Variants in ELAVL4 observed in about 807,000 individuals in gnomAD.
ELAVL4 encodes the protein ELAV like RNA binding protein 4.
In ELAVL4, 1 loss-of-function variant was observed where a neutral mutation model predicts 35.6. The ratio of observed to expected loss-of-function variants is 0.03; its 90% CI spans 0.01 to 0.13. The LOEUF is 0.13. Among genes scored for constraint, ELAVL4 ranks in the 10% least tolerant of loss-of-function variants. The probability of loss-of-function intolerance (pLI) is 1.00; values close to 1 mark genes in which losing one functional copy is unlikely to be tolerated. For missense variants in ELAVL4, 267 were observed against 464.9 expected (o/e 0.57, Z 3.91); for synonymous variants, 156 against 171.0 (o/e 0.91, Z 0.69).
chr1:50,057,323 T>C (rs1384618444), intron 1 of ELAVL4, among the ~76,000 whole-genome samples: 5 of 152,210 alleles, frequency 3.3e-5, no homozygotes, highest in African/African-American at 1.2e-4. Flanking sequence ...TTTAAAAATT[T>C]ATAAAGTAAA....
In ELAVL4 at chr1:50,109,867, A is replaced by C. The variant is rs556021038; in HGVS notation, c.9+669A>C. 6 of 1,594,084 alleles carry C rather than the reference A, an allele frequency of 3.8e-6. No homozygotes were observed. In the East Asian group the frequency reaches 1.3e-4, roughly 36 times the overall value. On this transcript the variant is annotated intron_variant, in intron 1 of 6. Transcript: ENST00000371824. ...TCTGGGCAGCAGCTCTGTAAGAAGG[A>C]ATGTCAGCTTTTACATAACGTTCCT... is the stretch of plus-strand genomic sequence containing the variant.
rs962410621 is a variant in ELAVL4, at chr1:50,048,112, G to A, written c.-53G>A. On this transcript the variant is annotated 5_prime_UTR_variant, in exon 1 of 7. Transcript: ENST00000448907. The stretch of plus-strand genomic sequence containing the variant: ...CTGCGGACGTCTTCCCGCCCGCCGC[G>A]CTCCGCCCCACCCAGCCTCCGCAGC... 1.2e-5 allele frequency: 17 copies of A among 1,470,670 alleles called. No homozygotes were observed. The Admixed American group carries it at 3.1e-4, about 27-fold the overall frequency. The allele number at this position is 1,470,670 out of a possible 1,614,324, so 91.1% of individuals were successfully genotyped here. A position where few individuals can be genotyped will look rare whatever the true frequency, so the allele number is the denominator to read the frequency against.
chr1:50,125,788 C>T (rs1467116489), intron 1 of ELAVL4, among the ~76,000 whole-genome samples: 1 of 152,030 alleles, frequency 6.6e-6, no homozygotes, highest in Admixed American at 6.6e-5. Context: ...GTGAGTTAGC[C>T]TTGGCATTAT....
rs1681757075 is a variant in ELAVL4 at position 50,185,949 on chromosome 1, CAGA to C, written c.355-7815_355-7813del. ...GAATCTGGGGCCCTGAGCCCAAGAC[CAGA>C]TATTCCACTAACCAGGCCATGAGAC... On this transcript the variant is annotated intron_variant, in intron 3 of 6. Transcript: ENST00000371824. Among the ~76,000 whole-genome samples, 4 of 152,182 alleles carry C rather than the reference CAGA, an allele frequency of 2.6e-5. No homozygotes were observed. In the East Asian group the frequency reaches 5.8e-4, roughly 22 times the overall value.
At chr1:50,080,441 C>T (rs1259522806) in intron 1 of ELAVL4, among the ~76,000 whole-genome samples, 1 of 152,106 alleles carries the variant, frequency 6.6e-6, no homozygotes, top group African/African-American at 2.4e-5. Flanking sequence ...CACACACACT[C>T]ACACACATAC....
intron 1 of ELAVL4, among the ~76,000 whole-genome samples, chr1:50,127,375 G>A (rs1044153714): frequency 7.9e-5 from 12 of 152,148 alleles, no homozygotes; most frequent in African/African-American, 2.9e-4. Flanking sequence ...AGAGGAGAGA[G>A]AGGAGTTGTC....
chr1:50,148,876 T>C (rs1194297374), intron 2 of ELAVL4, among the ~76,000 whole-genome samples: 2 of 152,204 alleles, frequency 1.3e-5, no homozygotes, highest in East Asian at 3.8e-4. Flanking sequence ...GGTTTTGTTT[T>C]GTAAACATTG....
intron 1 of ELAVL4, among the ~76,000 whole-genome samples, chr1:50,059,891 C>T (rs188507689): frequency 1.3e-5 from 2 of 152,164 alleles, no homozygotes; most frequent in African/African-American, 4.8e-5. Context: ...ATGAGATATC[C>T]AGAATAGATA....
chr1:50,097,700 A>G (rs1415592544), intron 1 of ELAVL4, among the ~76,000 whole-genome samples: 1 of 152,156 alleles, frequency 6.6e-6, no homozygotes, highest in African/African-American at 2.4e-5. Flanking sequence ...GTTCTCTTAC[A>G]CATGCAAATG....
At chr1:50,162,969 A>G (rs936360193) in intron 2 of ELAVL4, among the ~76,000 whole-genome samples, 8 of 152,230 alleles carry the variant, frequency 5.3e-5, no homozygotes, top group Admixed American at 4.6e-4. Context: ...AATCTCTGCC[A>G]GAGATATAAG....
intron 3 of ELAVL4, among the ~76,000 whole-genome samples, chr1:50,186,760 A>G (rs1036299210): frequency 5.9e-5 from 9 of 152,154 alleles, no homozygotes; most frequent in African/African-American, 2.2e-4. Flanking sequence ...TTGAATGCCC[A>G]GGTAAGGGGT....
At chr1:50,078,105 CTT>C (rs1037572847) in intron 1 of ELAVL4, among the ~76,000 whole-genome samples, 4 of 132,400 alleles carry the variant, frequency 3.0e-5, no homozygotes, top group African/African-American at 7.2e-5. Flanking sequence ...AAATATATAC[CTT>C]GTGTGTGTGT....
At chr1:50,132,681 G>A (rs947651542) in intron 1 of ELAVL4, among the ~76,000 whole-genome samples, 1 of 152,182 alleles carries the variant, frequency 6.6e-6, no homozygotes, top group African/African-American at 2.4e-5. Flanking sequence ...AACAGAGTGT[G>A]TCCAAGGAGA....
At chr1:50,068,612 T>C (rs1320220065) in intron 1 of ELAVL4, among the ~76,000 whole-genome samples, 1 of 152,190 alleles carries the variant, frequency 6.6e-6, no homozygotes, top group Admixed American at 6.5e-5. Flanking sequence ...AAGGGTTGAT[T>C]TTTGAACTGC....
chr1:50,183,071 T>TG lies in ELAVL4; in HGVS notation c.354+5881dup, dbSNP rs1681294115. 2.0e-5 allele frequency among the ~76,000 whole-genome samples: 3 copies of TG among 152,246 alleles called. No individual in the cohort carries two copies. The South Asian group carries it at 6.2e-4, about 32-fold the overall frequency. On this transcript the variant is annotated intron_variant, in intron 3 of 6. Transcript: ENST00000371824. ...CAGGGTTTCATCATGTTGGCCAGGC[T>TG]GGTCTCAAACTCCTGACCTCAAGTG... is the stretch of plus-strand genomic sequence containing the variant.
At chr1:50,096,531 C>T (rs1271957384) in intron 1 of ELAVL4, among the ~76,000 whole-genome samples, 3 of 151,224 alleles carry the variant, frequency 2.0e-5, no homozygotes, top group African/African-American at 7.3e-5. Flanking sequence ...TTTTAAAGAG[C>T]CTTGAATGCC....
intron 1 of ELAVL4, among the ~76,000 whole-genome samples, chr1:50,080,484 A>G (rs575383071): frequency 1.5e-4 from 23 of 152,222 alleles, no homozygotes; most frequent in Admixed American, 7.2e-4. Context: ...TCTGAATTCC[A>G]TCATCATTTG....
intron 3 of ELAVL4, among the ~76,000 whole-genome samples, chr1:50,179,002 T>A (rs1680580139): frequency 6.6e-6 from 1 of 152,042 alleles, no homozygotes; most frequent in African/African-American, 2.4e-5. Flanking sequence ...CCACTGTGGT[T>A]CCCCAAAGAC....
intron 1 of ELAVL4, among the ~76,000 whole-genome samples, chr1:50,067,181 A>T (rs1664304249): frequency 6.6e-6 from 1 of 152,196 alleles, no homozygotes; most frequent in Non-Finnish European, 1.5e-5. Context: ...AGGTGGGAGG[A>T]AAGAACCTTT....
Sources: gnomAD v4.1 joint callset for allele counts (sites outside exome capture counted in the v4.1 genomes callset) on GRCh38, gnomAD v4.1.1 for gene constraint, MANE v1.5 for transcripts, NCBI Gene and HGNC (gene_info 2026-07-23, HGNC 2026-07-21) for gene names.